The following TEX36 variants were observed in gnomAD, a reference collection of about 807,000 sequenced individuals.
TEX36 encodes testis-expressed protein 36.
A neutral mutation model predicts 13.6 loss-of-function variants in TEX36; 12 were observed. The observed-to-expected ratio is 0.88, with a 90% CI of 0.56 to 1.43. TEX36 has a LOEUF of 1.43. Ranked by LOEUF, TEX36 falls within the 40% of genes most tolerant of loss-of-function variation. The pLI, the probability that TEX36 is intolerant of heterozygous loss-of-function variation, is 0.00. For synonymous variants in TEX36, 93 were observed against 83.0 expected (o/e 1.12, Z -0.65); for missense variants, 224 against 228.3 (o/e 0.98, Z 0.12).
At chr10:125,678,424 A>G (rs959723782) in intron 1 of TEX36, among the ~76,000 whole-genome samples, 1 of 151,040 alleles carries the variant, frequency 6.6e-6, no homozygotes, top group Non-Finnish European at 1.5e-5. Context: ...CAGTTGGCTG[A>G]GCATGTCTAT....
At chr10:125,633,363 T>G (rs989735606) in intron 3 of TEX36, among the ~76,000 whole-genome samples, 3 of 152,216 alleles carry the variant, frequency 2.0e-5, no homozygotes, top group African/African-American at 7.2e-5. Context: ...TTTCTTGGGC[T>G]ACAGCTGATT....
intron 1 of TEX36, among the ~76,000 whole-genome samples, chr10:125,676,051 G>C (rs1036423192): frequency 6.6e-6 from 1 of 152,170 alleles, no homozygotes. Flanking sequence ...CTATCCTGGA[G>C]AATGTTCCAT....
chr10:125,662,258 C>A (rs141324040), intron 1 of TEX36, among the ~76,000 whole-genome samples: 57 of 152,304 alleles, frequency 3.7e-4, no homozygotes, highest in African/African-American at 1.3e-3. Flanking sequence ...GTGTGGTCCT[C>A]AGTGAGTGAG....
chr10:125,669,411 C>T (rs1465952113), intron 1 of TEX36, among the ~76,000 whole-genome samples: 3 of 151,850 alleles, frequency 2.0e-5, no homozygotes, highest in Admixed American at 6.6e-5. Context: ...ACCTGGGAGG[C>T]GGAGGTTGCA....
chr10:125,664,408 AC>A (rs1412554481), intron 1 of TEX36, among the ~76,000 whole-genome samples: 1 of 152,026 alleles, frequency 6.6e-6, no homozygotes, highest in East Asian at 1.9e-4. Flanking sequence ...TTTTTGAGGA[AC>A]CTCTATACTA....
chr10:125,615,093 T>G (rs1045222702), intron 3 of TEX36, among the ~76,000 whole-genome samples: 4 of 152,170 alleles, frequency 2.6e-5, no homozygotes, highest in Non-Finnish European at 5.9e-5. Context: ...TGTCTGTTGT[T>G]GGTGTATAAG....
intron 1 of TEX36, among the ~76,000 whole-genome samples, chr10:125,678,145 C>G (rs1847339707): frequency 6.6e-6 from 1 of 152,222 alleles, no homozygotes; most frequent in Admixed American, 6.5e-5. Flanking sequence ...GTAACAGTCT[C>G]TTCTTCCTAT....
chr10:125,648,790 TA>T (rs2133582619), intron 3 of TEX36, among the ~76,000 whole-genome samples: 1 of 152,240 alleles, frequency 6.6e-6, no homozygotes, highest in South Asian at 2.1e-4. Context: ...TAACTAGATT[TA>T]ATAAACAGAG....
chr10:125,621,565 T>C, downstream of TEX36: 1 of 455,874 alleles, frequency 2.2e-6, no homozygotes, highest in South Asian at 1.6e-5. Flanking sequence ...ATAGGATATA[T>C]GTATGTATAA....
chr10:125,651,755 C>A (rs935599319), downstream of TEX36, among the ~76,000 whole-genome samples: 1 of 152,166 alleles, frequency 6.6e-6, no homozygotes, highest in African/African-American at 2.4e-5. Flanking sequence ...ACCCCATCAT[C>A]TCAGCCCAAA....
chr10:125,629,839 G>A (rs977840356), intron 3 of TEX36, among the ~76,000 whole-genome samples: 3 of 152,094 alleles, frequency 2.0e-5, no homozygotes, highest in African/African-American at 7.2e-5. Flanking sequence ...ACTAGGGTTA[G>A]GTCCGCAAGG....
At chr10:125,653,406 A>G (rs1469652261), downstream of TEX36, among the ~76,000 whole-genome samples, 1 of 146,420 alleles carries the variant, frequency 6.8e-6, no homozygotes, top group Non-Finnish European at 1.5e-5. Flanking sequence ...CAAACACTGC[A>G]TGTTCTCACT....
intron 3 of TEX36, among the ~76,000 whole-genome samples, chr10:125,642,747 C>G (rs1211422493): frequency 1.3e-5 from 2 of 152,198 alleles, no homozygotes; most frequent in African/African-American, 4.8e-5. Flanking sequence ...TCCAACACCT[C>G]TCTAATACTT....
chr10:125,629,374 A>G (rs982415661), intron 3 of TEX36, among the ~76,000 whole-genome samples: 5 of 152,196 alleles, frequency 3.3e-5, no homozygotes, highest in Non-Finnish European at 7.3e-5. Context: ...TACCCAACGA[A>G]TTACTTCATT....
At chr10:125,652,592 T>G (rs1418774417), downstream of TEX36, among the ~76,000 whole-genome samples, 1 of 152,152 alleles carries the variant, frequency 6.6e-6, no homozygotes, top group South Asian at 2.1e-4. Flanking sequence ...ACTTCATGAC[T>G]AAAACACCAA....
At chr10:125,588,302 T>C (rs956499705) in intron 3 of TEX36, among the ~76,000 whole-genome samples, 1 of 152,306 alleles carries the variant, frequency 6.6e-6, no homozygotes, top group Admixed American at 6.5e-5. Context: ...GTGTGATTGG[T>C]TAAAAGTAGT....
chr10:125,603,240 G>A (rs1038456613), intron 3 of TEX36, among the ~76,000 whole-genome samples: 8 of 152,324 alleles, frequency 5.3e-5, no homozygotes, highest in South Asian at 2.1e-4. Context: ...AGGAAGGGAT[G>A]GTTCCCTTAC....
downstream of TEX36, among the ~76,000 whole-genome samples, chr10:125,620,352 C>T (rs1050511008): frequency 6.6e-6 from 1 of 152,188 alleles, no homozygotes; most frequent in African/African-American, 2.4e-5. Context: ...TCTTTGATTA[C>T]TAGTGAAGCT....
intron 1 of TEX36, among the ~76,000 whole-genome samples, chr10:125,678,268 T>C (rs144119296): frequency 1.1e-4 from 17 of 152,298 alleles, no homozygotes; most frequent in African/African-American, 3.8e-4. Flanking sequence ...GCAGGCTTTA[T>C]ATGATTTCTT....
Sources: allele counts gnomAD v4.1 joint callset (sites outside exome capture counted in the v4.1 genomes callset), GRCh38; gene constraint gnomAD v4.1.1; transcripts MANE v1.5; gene names NCBI Gene and HGNC (gene_info 2026-07-23, HGNC 2026-07-21).